TENM1: variants seen among roughly 807,000 people sequenced by gnomAD.
TENM1 encodes teneurin-1.
A neutral mutation model predicts 174.8 loss-of-function variants in TENM1; 35 were observed. The observed-to-expected ratio is 0.20, with a 90% CI of 0.15 to 0.27. The LOEUF is 0.27. Among genes scored for constraint, TENM1 ranks in the 10% least tolerant of loss-of-function variants. TENM1 has a pLI of 1.00. For synonymous variants in TENM1, 781 were observed against 798.7 expected (o/e 0.98, Z 0.37); for missense variants, 1,633 against 2,130.1 (o/e 0.77, Z 4.59).
At chrX:124,918,887 G>C (rs1338796108) in intron 1 of TENM1, among the ~76,000 whole-genome samples, 1 of 111,710 alleles carries the variant, frequency 9.0e-6, no homozygotes, top group Non-Finnish European at 1.9e-5. Context: ...TTACAGATCT[G>C]TTCCCATTTA....
intron 3 of TENM1, among the ~76,000 whole-genome samples, chrX:124,822,615 G>A (rs765980547): frequency 2.7e-5 from 3 of 111,780 alleles, no homozygotes; most frequent in Non-Finnish European, 5.6e-5. Flanking sequence ...TATAAGCCCT[G>A]TTTTTATATA....
At chrX:124,577,145 C>T (rs913090204) in intron 11 of TENM1, among the ~76,000 whole-genome samples, 18 of 111,718 alleles carry the variant, frequency 1.6e-4, no homozygotes, top group Admixed American at 9.5e-5. Context: ...CTTTAGAACG[C>T]TAACTCTAAC....
At chrX:124,467,351 C>T (rs1182241583) in intron 22 of TENM1, among the ~76,000 whole-genome samples, 2 of 111,741 alleles carry the variant, frequency 1.8e-5, no homozygotes, top group Non-Finnish European at 3.8e-5. Flanking sequence ...GGCCAGAACT[C>T]ACTCCCAAGG....
chrX:124,715,256 G>C (rs2053150624), intron 4 of TENM1, among the ~76,000 whole-genome samples: 1 of 111,659 alleles, frequency 9.0e-6, no homozygotes, highest in South Asian at 3.7e-4. Context: ...GAGGAATAAT[G>C]GAATGCCACC....
Position 124,803,097 on chromosome X carries a change from AT to A in TENM1, c.536-65901del, listed in dbSNP as rs1480320728. On this transcript the variant is annotated intron_variant, in intron 3 of 31. Coordinates refer to ENST00000422452, the Ensembl canonical transcript of TENM1. ...ATCTACTTTCTCACCTCTCATTCACATTTTTTCCCAGTGATCAAACATTTTA... is the reference window on the plus strand; with the variant it reads ...ATCTACTTTCTCACCTCTCATTCACATTTTTCCCAGTGATCAAACATTTTA... Among the ~76,000 whole-genome samples, 3 of 111,947 alleles carry A rather than the reference AT, an allele frequency of 2.7e-5. No homozygotes were observed. In the Admixed American group the frequency reaches 2.8e-4, roughly 11 times the overall value.
intron 21 of TENM1, among the ~76,000 whole-genome samples, chrX:124,483,454 A>G (rs1226330041): frequency 8.9e-6 from 1 of 112,170 alleles, no homozygotes; most frequent in African/African-American, 3.2e-5. Context: ...TGTCAAAGCC[A>G]GAAACCAGAA....
intron 20 of TENM1, among the ~76,000 whole-genome samples, chrX:124,489,132 A>G (rs1391663881): frequency 8.9e-6 from 1 of 112,680 alleles, no homozygotes; most frequent in Non-Finnish European, 1.9e-5. Flanking sequence ...CTACATGCTG[A>G]GGTGTCAGTG....
chrX:124,815,113 G>T (rs2055868628), intron 3 of TENM1, among the ~76,000 whole-genome samples: 1 of 111,650 alleles, frequency 9.0e-6, no homozygotes, highest in African/African-American at 3.3e-5. Context: ...CTAATGAGGA[G>T]TTCAAGAGGC....
intron 2 of TENM1, among the ~76,000 whole-genome samples, 197 bp downstream of exon 5, chrX:124,895,784 A>C (rs2057552213): frequency 8.9e-6 from 1 of 112,100 alleles, no homozygotes; most frequent in Admixed American, 9.5e-5. Context: ...AATGAAAAGT[A>C]TTTTGTCTGT....
intron 3 of TENM1, among the ~76,000 whole-genome samples, chrX:124,792,954 A>G (rs901008172): frequency 1.8e-5 from 2 of 112,238 alleles, no homozygotes; most frequent in African/African-American, 3.2e-5. Flanking sequence ...TGGCTAAGTT[A>G]AATTAAAACC....
At chrX:124,472,350 A>G (rs1385424905) in intron 22 of TENM1, among the ~76,000 whole-genome samples, 101 of 103,148 alleles carry the variant, frequency 9.8e-4, no homozygotes, top group African/African-American at 3.2e-3. Context: ...AAAAAAAAAA[A>G]AAAAAAAGCG....
chrX:125,090,165 C>T, the TENM1 span, among the ~76,000 whole-genome samples: 1 of 111,619 alleles, frequency 9.0e-6, no homozygotes, highest in Non-Finnish European at 1.9e-5. Flanking sequence ...AAATGAAACC[C>T]GAGCTGCTTA....
At chrX:124,553,264 AGGG>A (rs58349017) in intron 14 of TENM1, among the ~76,000 whole-genome samples, 2 of 107,045 alleles carry the variant, frequency 1.9e-5, no homozygotes, top group African/African-American at 3.4e-5. Context: ...TGGGAGACTG[AGGG>A]GGGGGGTGGA....
chrX:125,064,173 G>A, the TENM1 span, among the ~76,000 whole-genome samples: 1 of 109,486 alleles, frequency 9.1e-6, no homozygotes, highest in East Asian at 2.9e-4. Flanking sequence ...GTGGGGGCAG[G>A]GGGGAGGGAT....
chrX:124,397,487 T>C (rs967115013), intron 27 of TENM1, among the ~76,000 whole-genome samples: 1 of 112,424 alleles, frequency 8.9e-6, no homozygotes, highest in African/African-American at 3.2e-5. Context: ...ACACTGTCAC[T>C]AGACAACTGT....
intron 3 of TENM1, among the ~76,000 whole-genome samples, chrX:124,858,539 G>A (rs2056853824): frequency 9.0e-6 from 1 of 111,605 alleles, no homozygotes; most frequent in South Asian, 3.8e-4. Context: ...CTGGTCAATT[G>A]GCTGAGTTAT....
At chrX:124,820,541 T>C (rs2056016822) in intron 3 of TENM1, among the ~76,000 whole-genome samples, 1 of 112,345 alleles carries the variant, frequency 8.9e-6, no homozygotes, top group Non-Finnish European at 1.9e-5. Flanking sequence ...TCAAAAATCT[T>C]ATGTAATCTT....
At chrX:124,987,580 CTG>C in the TENM1 span, among the ~76,000 whole-genome samples, 1 of 110,897 alleles carries the variant, frequency 9.0e-6, no homozygotes, top group South Asian at 3.8e-4. Flanking sequence ...TGAAACAAAT[CTG>C]TGTGTTAAAA....
In TENM1 at chrX:124,690,794, T is replaced by A. The variant is rs764713435; in HGVS notation, c.1015+14219A>T. ...CCTTGTGATCTCTGCACACACTGGCTCCCCTTCTCCTTCCACGATGAGTGG... is the reference window on the plus strand; with the variant it reads ...CCTTGTGATCTCTGCACACACTGGCACCCCTTCTCCTTCCACGATGAGTGG... On this transcript the variant is annotated intron_variant, in intron 5 of 31. Coordinates refer to ENST00000422452, the Ensembl canonical transcript of TENM1. Among the ~76,000 whole-genome samples the A allele has an allele frequency of 2.5e-4, 28 of 110,515 alleles. 1 individual carries two copies. The highest frequency in any genetic ancestry group is 3.8e-4 in the Non-Finnish European group (20 of 52,896).
Sources: allele counts gnomAD v4.1 joint callset (sites outside exome capture counted in the v4.1 genomes callset), GRCh38; gene constraint gnomAD v4.1.1; transcripts MANE v1.5; gene names NCBI Gene and HGNC (gene_info 2026-07-23, HGNC 2026-07-21).